ATRNL1: variants seen among roughly 807,000 people sequenced by gnomAD.
ATRNL1 encodes attractin like 1.
In ATRNL1, 95 loss-of-function variants were observed where a neutral mutation model predicts 182.7. The ratio of observed to expected loss-of-function variants is 0.52; its 90% confidence interval spans 0.44 to 0.62. The LOEUF (loss-of-function observed/expected upper bound fraction) is 0.62, where lower values mean the gene tolerates loss of function less well. ATRNL1 is among the 20% of genes least tolerant of loss of function. The pLI is 0.00. For synonymous variants in ATRNL1, 576 were observed against 568.3 expected (o/e 1.01, Z -0.19); for missense variants, 1,471 against 1,679.5 (o/e 0.88, Z 2.17).
chr10:115,287,728 C>G (rs929474196), intron 15 of ATRNL1, among the ~76,000 whole-genome samples: 46 of 152,180 alleles, frequency 3.0e-4, no homozygotes, highest in African/African-American at 1.1e-3. Context: ...TATCCTCCTT[C>G]TAGCCATTTG....
chr10:115,759,437 A>G (rs1948675933), intron 27 of ATRNL1, among the ~76,000 whole-genome samples: 2 of 152,104 alleles, frequency 1.3e-5, no homozygotes, highest in South Asian at 2.1e-4. Context: ...CACTTGCTCC[A>G]TTTGTGATAA....
At chr10:115,195,131 C>T (rs1848311909) in intron 8 of ATRNL1, among the ~76,000 whole-genome samples, 1 of 151,786 alleles carries the variant, frequency 6.6e-6, no homozygotes, top group African/African-American at 2.4e-5. Context: ...GATATGAGTG[C>T]TTTATGTATT....
intron 21 of ATRNL1, among the ~76,000 whole-genome samples, chr10:115,439,626 C>G (rs912538116): frequency 2.0e-5 from 3 of 151,014 alleles, no homozygotes; most frequent in African/African-American, 7.4e-5. Context: ...GTGATACATA[C>G]TTACCTTAAA....
chr10:115,870,030 A>G (rs1198873147), intron 28 of ATRNL1, among the ~76,000 whole-genome samples: 1 of 124,240 alleles, frequency 8.0e-6, no homozygotes, highest in Non-Finnish European at 1.6e-5. Flanking sequence ...ATTTCTGGGT[A>G]AAACTTTTGT....
intron 19 of ATRNL1, among the ~76,000 whole-genome samples, chr10:115,335,838 G>A (rs1554936506): frequency 6.7e-6 from 1 of 149,996 alleles, no homozygotes; most frequent in Non-Finnish European, 1.5e-5. Context: ...GAATTTGGGG[G>A]ATTTTTTCTG....
chr10:115,695,999 C>T (rs1228362662), intron 26 of ATRNL1, among the ~76,000 whole-genome samples: 3 of 151,758 alleles, frequency 2.0e-5, no homozygotes, highest in Admixed American at 6.6e-5. Context: ...CCCAGGTTCA[C>T]GCCATTCTCC....
intron 20 of ATRNL1, among the ~76,000 whole-genome samples, chr10:115,424,900 T>G (rs1196929358): frequency 1.3e-5 from 2 of 152,126 alleles, no homozygotes; most frequent in African/African-American, 4.8e-5. Context: ...ATTGCATATT[T>G]CTAAAACTAG....
Position 115,462,003 on chromosome 10 carries a change from A to G in ATRNL1, c.3385A>G (p.Thr1129Ala). The change falls in exon 22 of 29, where the codon ACT becomes GCT. Residue 1129 changes from threonine (T) to alanine (A), a missense_variant. Coordinates refer to ENST00000355044, the MANE Select transcript of ATRNL1 (RefSeq NM_207303.4). The part of the protein sequence containing the change: ...SLLQEDDRHH[T>A]AINFIANPEQ... ...ATTACAGGAAGATGATCGCCACCAT[A>G]CTGCCATAAACTTTATAGCAAACCC... is the stretch of plus-strand genomic sequence containing the variant. 6.2e-7 allele frequency: 1 copy of G among 1,610,508 alleles called. No individual in the cohort carries two copies. The highest frequency in any genetic ancestry group is 8.5e-7 in the Non-Finnish European group (1 of 1,178,080).
intron 26 of ATRNL1, among the ~76,000 whole-genome samples, chr10:115,603,254 T>A (rs1856707810): frequency 6.6e-6 from 1 of 152,198 alleles, no homozygotes; most frequent in East Asian, 1.9e-4. Flanking sequence ...GTCTTTCTCA[T>A]GACCAGCCCT....
chr10:115,415,615 T>C (rs1435173775), intron 20 of ATRNL1, among the ~76,000 whole-genome samples: 1 of 151,980 alleles, frequency 6.6e-6, no homozygotes, highest in Non-Finnish European at 1.5e-5. Flanking sequence ...TGTAATTAAT[T>C]ATGTAATTAA....
chr10:115,817,353 A>G (rs75371090), intron 27 of ATRNL1, among the ~76,000 whole-genome samples: 9,444 of 152,166 alleles, frequency 0.062, 920 homozygotes, highest in African/African-American at 0.2. Context: ...CATTCCCAGC[A>G]TGCATTTCAT....
chr10:115,661,200 C>G (rs1159844083), intron 26 of ATRNL1, among the ~76,000 whole-genome samples: 2 of 152,222 alleles, frequency 1.3e-5, no homozygotes, highest in South Asian at 4.1e-4. Context: ...TACCTCAGAA[C>G]TCTTCCAAGA....
chr10:115,266,692 A>G (rs1851621992), intron 11 of ATRNL1, 105 bp from the exon 12 acceptor site: 1 of 629,120 alleles, frequency 1.6e-6, no homozygotes, highest in Non-Finnish European at 2.7e-6. Context: ...AGTACTTAAA[A>G]TAGTATAAAA....
chr10:115,778,982 GA>G (rs1378903233), intron 27 of ATRNL1, among the ~76,000 whole-genome samples: 1 of 152,134 alleles, frequency 6.6e-6, no homozygotes, highest in African/African-American at 2.4e-5. Flanking sequence ...ACATTGTTTA[GA>G]ATTGCCAATA....
At chr10:115,274,501 A>G (rs1852017408) in intron 13 of ATRNL1, among the ~76,000 whole-genome samples, 1 of 152,174 alleles carries the variant, frequency 6.6e-6, no homozygotes, top group Non-Finnish European at 1.5e-5. Context: ...AGGCCCCTGA[A>G]TTTTAGATGA....
intron 15 of ATRNL1, among the ~76,000 whole-genome samples, chr10:115,297,607 C>T (rs534582622): frequency 1.4e-5 from 2 of 146,216 alleles, no homozygotes; most frequent in East Asian, 4.2e-4. Context: ...ATCGAGATTG[C>T]GCCACTGCAC....
chr10:115,536,602 C>T (rs576656896), intron 25 of ATRNL1, among the ~76,000 whole-genome samples: 100 of 152,310 alleles, frequency 6.6e-4, no homozygotes, highest in African/African-American at 2.2e-3. Context: ...GGCTCTCGCA[C>T]GGTGCGCTGC....
intron 8 of ATRNL1, among the ~76,000 whole-genome samples, chr10:115,186,298 G>A (rs1554888734): frequency 6.6e-6 from 1 of 151,810 alleles, no homozygotes; most frequent in Non-Finnish European, 1.5e-5. Flanking sequence ...AGAACAGTTC[G>A]GAGGTTCCTC....
intron 27 of ATRNL1, among the ~76,000 whole-genome samples, chr10:115,775,752 C>T (rs1413337584): frequency 1.3e-5 from 2 of 151,414 alleles, no homozygotes; most frequent in Non-Finnish European, 2.9e-5. Flanking sequence ...GTTAGGAGTT[C>T]AAGACCAGCC....
Sources: gnomAD v4.1 joint callset for allele counts (sites outside exome capture counted in the v4.1 genomes callset) on GRCh38, gnomAD v4.1.1 for gene constraint, MANE v1.5 for transcripts, NCBI Gene and HGNC (gene_info 2026-07-23, HGNC 2026-07-21) for gene names.